The following GAL3ST1 variants were observed in gnomAD, a reference collection of about 807,000 sequenced individuals.
The protein encoded by GAL3ST1 is galactosylceramide sulfotransferase.
GAL3ST1 carries 13 observed loss-of-function variants against 25.0 expected under a neutral mutation model. The ratio of observed to expected loss-of-function variants is 0.52; its 90% confidence interval spans 0.34 to 0.83. GAL3ST1 has a LOEUF of 0.83. Ranked by LOEUF, GAL3ST1 falls within the 40% of genes least tolerant of loss-of-function variation. The probability of loss-of-function intolerance (pLI) is 0.02; values close to 1 mark genes in which losing one functional copy is unlikely to be tolerated. For synonymous variants in GAL3ST1, 274 were observed against 277.8 expected (o/e 0.99, Z 0.14); for missense variants, 474 against 613.6 (o/e 0.77, Z 2.40).
chr22:30,566,562 T>C (rs1305351836), intron 1 of GAL3ST1, among the ~76,000 whole-genome samples: 1 of 152,134 alleles, frequency 6.6e-6, no homozygotes, highest in African/African-American at 2.4e-5. Context: ...GGTAGACCTG[T>C]GCTTCCAGCC....
intron 1 of GAL3ST1, among the ~76,000 whole-genome samples, chr22:30,570,801 A>G (rs1438997894): frequency 2.0e-5 from 3 of 150,590 alleles, no homozygotes; most frequent in Non-Finnish European, 4.4e-5. Flanking sequence ...AAAAAAAAAG[A>G]GTTGCCTAAT....
chr22:30,574,517 C>CCG lies in GAL3ST1; in HGVS notation c.-173_-172dup, dbSNP rs1277613262. ...CGTGGCTGGCTCGGCCCGGGCCGCG[C>CCG]CGCCCGGGCGCTCACTGGGCGGCGG... On this transcript the variant is annotated 5_prime_UTR_variant, in exon 1 of 4. Coordinates refer to ENST00000406361, the MANE Select transcript of GAL3ST1 (RefSeq NM_001318104.2). The CCG allele has an allele frequency of 6.7e-6, 1 of 149,304 alleles. No individual in the cohort carries two copies. Among genetic ancestry groups the CCG allele is most frequent in the Non-Finnish European group, 1.5e-5 (1 of 67,078 alleles). The allele number at this position is 149,304 out of a possible 1,614,324, so 9.2% of individuals were successfully genotyped here. A position where few individuals can be genotyped will look rare whatever the true frequency, so the allele number is the denominator to read the frequency against.
intron 1 of GAL3ST1, among the ~76,000 whole-genome samples, chr22:30,564,105 T>C (rs985978928): frequency 1.3e-5 from 2 of 152,220 alleles, no homozygotes; most frequent in East Asian, 3.8e-4. Context: ...TAAGGGATAC[T>C]CAACCTGTAC....
In GAL3ST1 at chr22:30,555,935, C is replaced by T. The variant is rs765485596; in HGVS notation, c.290G>A (p.Arg97His). 1 of 1,614,106 alleles carries T rather than the reference C, an allele frequency of 6.2e-7. No individual in the cohort carries two copies. Among genetic ancestry groups the T allele is most frequent in the Non-Finnish European group, 8.5e-7 (1 of 1,180,016 alleles). ...ASSTLLNILF[R>H]FGQKHRLKFA... ...CTTGAGCCGGTGCTTCTGGCCGAAG[C>T]GGAACAGGATGTTGAGCAGGGTGCT... The change falls in exon 4 of 4, where the codon CGC (arginine) becomes CAC (histidine). Residue 97 changes from arginine to histidine, a missense_variant. Physicochemically the swap from Arg to His is conservative, Grantham distance 29 (BLOSUM62 0). This residue lies in a region of GAL3ST1 where 359 missense variants were observed against 504.4 expected (regional missense o/e 0.71). Transcript: ENST00000406361. The surrounding 1 kb of genome is among the most constrained non-coding windows in gnomAD (Gnocchi z 8.6).
At position 30,555,703 on chromosome 22, in the gene GAL3ST1, G is replaced by A. The variant is rs768984604; in HGVS notation, c.522C>T (p.Phe174=). ...GGGGCACCACCGGCCCGAAGTAGTGGAAGGAGGACTCGAACAAGCGGGCGG... is the reference window on the plus strand; with the variant it reads ...GGGGCACCACCGGCCCGAAGTAGTGAAAGGAGGACTCGAACAAGCGGGCGG... ...RDPARLFESS[F]HYFGPVVPLT... The change falls in exon 4 of 4, where the codon TTC becomes TTT. Residue 174 remains phenylalanine (F), a synonymous_variant. Transcript: ENST00000406361. The surrounding 1 kb of genome is among the most constrained non-coding windows in gnomAD (Gnocchi z 8.6). 3.1e-6 allele frequency: 5 copies of A among 1,613,838 alleles called. No homozygotes were observed. Among genetic ancestry groups the A allele is most frequent in the Admixed American group, 1.7e-5 (1 of 60,012 alleles).
chr22:30,563,564 C>T (rs371089770), intron 1 of GAL3ST1, among the ~76,000 whole-genome samples: 372 of 152,124 alleles, frequency 2.4e-3, no homozygotes, highest in African/African-American at 8.7e-3. Flanking sequence ...TGCAGTGAGC[C>T]ATGATCGTGC....
At position 30,556,077 on chromosome 22, in the gene GAL3ST1, C is replaced by T. The variant is rs1271104815; in HGVS notation, c.148G>A (p.Ala50Thr). Residue 50 changes from alanine (A) to threonine (T), a missense_variant, in exon 4 of 4, where the codon GCG becomes ACG. Ala to Thr is a moderately conservative substitution (Grantham distance 58). Transcript: ENST00000406361. ...TCGAGTGCAGGTGGAGAGCAGGACGCTGCGGCCTCCGGGGTCCTGCTGGGG... is the reference window on the plus strand; with the variant it reads ...TCGAGTGCAGGTGGAGAGCAGGACGTTGCGGCCTCCGGGGTCCTGCTGGGG... ...GLASTTPEAA[A>T]SCSPPALEPE... 2.5e-6 allele frequency: 4 copies of T among 1,605,968 alleles called. No homozygotes were observed. Among genetic ancestry groups the T allele is most frequent in the Admixed American group, 3.3e-5 (2 of 59,926 alleles).
At chr22:30,572,002 G>T in intron 1 of GAL3ST1, among the ~76,000 whole-genome samples, 1 of 152,206 alleles carries the variant, frequency 6.6e-6, no homozygotes, top group East Asian at 1.9e-4. Context: ...AAAATGAGGA[G>T]CAAGGCCACA....
chr22:30,567,198 AAAAG>A (rs2086652117), intron 1 of GAL3ST1, among the ~76,000 whole-genome samples: 1 of 152,208 alleles, frequency 6.6e-6, no homozygotes, highest in Admixed American at 6.5e-5. Flanking sequence ...GAAGATGATT[AAAAG>A]AACCCCAACC....
chr22:30,567,473 C>A (rs1569010341), intron 1 of GAL3ST1, among the ~76,000 whole-genome samples: 2 of 151,938 alleles, frequency 1.3e-5, no homozygotes, highest in East Asian at 3.9e-4. Context: ...GAGATGGGGT[C>A]TTGCTATGTT....
intron 1 of GAL3ST1, among the ~76,000 whole-genome samples, chr22:30,561,950 C>T (rs924855100): frequency 7.9e-5 from 12 of 152,180 alleles, no homozygotes; most frequent in Non-Finnish European, 1.2e-4. Context: ...GCACACAGAG[C>T]GCTCTGTAAT....
chr22:30,570,326 A>T (rs898832197), intron 1 of GAL3ST1, among the ~76,000 whole-genome samples: 18 of 152,168 alleles, frequency 1.2e-4, no homozygotes, highest in African/African-American at 4.3e-4. Context: ...TACAGTTCTG[A>T]GTGTGCCTGT....
Position 30,557,293 on chromosome 22 carries a change from C to A in GAL3ST1, c.100G>T (p.Val34Leu). 6.2e-7 allele frequency: 1 copy of A among 1,614,132 alleles called. No homozygotes were observed. Among genetic ancestry groups the A allele is most frequent in the Non-Finnish European group, 8.5e-7 (1 of 1,179,966 alleles). The change falls in exon 3 of 4, where the codon GTG becomes TTG. Residue 34 changes from valine to leucine, a missense_variant. By Grantham distance (32) the Val-to-Leu change is conservative. This residue lies in a region of GAL3ST1 where 115 missense variants were observed against 109.2 expected (regional missense o/e 1.05). Transcript: ENST00000406361. The part of the protein sequence containing the change: ...SFLLLVYSYA[V>L]PPLHAGLAST... Reference sequence around the variant, plus strand: ...GCCAGGCCGGCATGCAGCGGGGGCACGGCATAGGAGTACACCAGCAGCAGG... The same window carrying A: ...GCCAGGCCGGCATGCAGCGGGGGCAAGGCATAGGAGTACACCAGCAGCAGG...
intron 1 of GAL3ST1, among the ~76,000 whole-genome samples, chr22:30,568,714 G>T (rs186268279): frequency 6.6e-6 from 1 of 152,288 alleles, no homozygotes; most frequent in East Asian, 1.9e-4. Context: ...TGGTGTGTTT[G>T]CGTGTAATAG....
intron 1 of GAL3ST1, among the ~76,000 whole-genome samples, chr22:30,569,491 G>A (rs2086717866): frequency 6.6e-6 from 1 of 152,110 alleles, no homozygotes; most frequent in African/African-American, 2.4e-5. Context: ...AATGCTGGGT[G>A]AAGCAGGTGG....
chr22:30,556,770 G>A (rs932855052), intron 3 of GAL3ST1, among the ~76,000 whole-genome samples: 7 of 152,274 alleles, frequency 4.6e-5, no homozygotes, highest in Middle Eastern at 3.4e-3. Context: ...GTCTCACTCC[G>A]TTGGCCCAGC....
chr22:30,572,496 G>A (rs186159063), intron 1 of GAL3ST1, among the ~76,000 whole-genome samples: 5 of 152,290 alleles, frequency 3.3e-5, no homozygotes, highest in South Asian at 2.1e-4. Context: ...TGTGAGGCAC[G>A]CAGAGCCCTT....
chr22:30,559,778 CTG>C (rs1284678060), intron 1 of GAL3ST1, among the ~76,000 whole-genome samples: 2 of 152,196 alleles, frequency 1.3e-5, no homozygotes, highest in Non-Finnish European at 2.9e-5. Flanking sequence ...GGCTGAGGAA[CTG>C]GAGTCCAGGA....
chr22:30,558,024 G>A (rs2086144432), intron 2 of GAL3ST1, among the ~76,000 whole-genome samples: 3 of 151,678 alleles, frequency 2.0e-5, no homozygotes, highest in Admixed American at 2.0e-4. Context: ...CTGGGCTCAA[G>A]CAATCCGCCC....
Sources: allele counts gnomAD v4.1 joint callset (sites outside exome capture counted in the v4.1 genomes callset), GRCh38; gene constraint gnomAD v4.1.1; regional missense constraint gnomAD v4.1.1; non-coding constraint Gnocchi (gnomAD v3.1); transcripts MANE v1.5; gene names NCBI Gene and HGNC (gene_info 2026-07-23, HGNC 2026-07-21).